The following LRRTM4 variants were observed in gnomAD, a reference collection of about 807,000 sequenced individuals.
LRRTM4 encodes leucine rich repeat transmembrane neuronal 4, also known as leucine-rich repeat transmembrane neuronal protein 4.
In LRRTM4, 25 loss-of-function variants were observed where a neutral mutation model predicts 47.6. The observed-to-expected ratio is 0.53, with a 90% CI of 0.38 to 0.73. LRRTM4 has a LOEUF of 0.73. Ranked by LOEUF, LRRTM4 falls within the 30% of genes least tolerant of loss-of-function variation. The probability of loss-of-function intolerance (pLI) is 0.00; values close to 1 mark genes in which losing one functional copy is unlikely to be tolerated. For missense variants in LRRTM4, 638 were observed against 713.4 expected, an observed-to-expected ratio of 0.89 and a Z score of 1.20; for synonymous variants, 311 against 269.5, an observed-to-expected ratio of 1.15 and a Z score of -1.51.
At chr2:76,942,674 A>ATGTGTGTGTGTGTGTGTG (rs750604219) in intron 3 of LRRTM4, among the ~76,000 whole-genome samples, 1,819 of 123,304 alleles carry the variant, frequency 0.015, 50 homozygotes, top group African/African-American at 0.045. Flanking sequence ...ACCTCTAGGA[A>ATGTGTGTGTGTGTGTGTG]TCTGTGTGTG....
At chr2:77,400,197 A>G (rs1673889791) in intron 3 of LRRTM4, among the ~76,000 whole-genome samples, 1 of 151,766 alleles carries the variant, frequency 6.6e-6, no homozygotes, top group African/African-American at 2.4e-5. Context: ...TTGACTTGGT[A>G]ACATGATACC....
intron 3 of LRRTM4, among the ~76,000 whole-genome samples, chr2:77,161,424 G>C (rs1334353907): frequency 1.3e-5 from 2 of 152,106 alleles, no homozygotes; most frequent in Non-Finnish European, 2.9e-5. Flanking sequence ...AGGTGGCTTT[G>C]AGCAGTATCT....
chr2:76,906,389 G>C (rs1192857743), intron 3 of LRRTM4, among the ~76,000 whole-genome samples: 2 of 152,052 alleles, frequency 1.3e-5, no homozygotes, highest in Admixed American at 6.6e-5. Context: ...ATGCTGCAAA[G>C]TCATGCCAAA....
At chr2:77,188,352 T>G (rs545164528) in intron 3 of LRRTM4, among the ~76,000 whole-genome samples, 1 of 152,196 alleles carries the variant, frequency 6.6e-6, no homozygotes, top group African/African-American at 2.4e-5. Context: ...CTGGCTACTT[T>G]CCTTTTTCTC....
chr2:76,957,515 T>C (rs1445400482), intron 3 of LRRTM4, among the ~76,000 whole-genome samples: 1 of 151,788 alleles, frequency 6.6e-6, no homozygotes, highest in Non-Finnish European at 1.5e-5. Context: ...AAAAATATTT[T>C]AGATTTACTG....
At chr2:76,861,567 C>A (rs1007905307) in intron 3 of LRRTM4, among the ~76,000 whole-genome samples, 36 of 152,124 alleles carry the variant, frequency 2.4e-4, no homozygotes, top group Non-Finnish European at 1.9e-4. Flanking sequence ...TCTGTCCTTT[C>A]CTGAAAATTT....
intron 3 of LRRTM4, among the ~76,000 whole-genome samples, chr2:77,372,066 T>C (rs1672674258): frequency 6.6e-6 from 1 of 151,742 alleles, no homozygotes; most frequent in South Asian, 2.1e-4. Context: ...GTGCACACAG[T>C]AGATTTGTGT....
intron 3 of LRRTM4, among the ~76,000 whole-genome samples, chr2:76,942,491 A>ATT (rs59455803): frequency 0.024 from 3,416 of 142,626 alleles, 110 homozygotes; most frequent in African/African-American, 0.067. Flanking sequence ...CTGTGCTAAC[A>ATT]TTTTTTTTTT....
chr2:77,470,854 AT>A (rs1286846234), intron 3 of LRRTM4, among the ~76,000 whole-genome samples: 1 of 152,112 alleles, frequency 6.6e-6, no homozygotes. Context: ...ACCATAGGAA[AT>A]TTTGTGGGAC....
chr2:77,360,412 A>G (rs1369661574), intron 3 of LRRTM4, among the ~76,000 whole-genome samples: 2 of 152,046 alleles, frequency 1.3e-5, no homozygotes, highest in Admixed American at 6.6e-5. Flanking sequence ...AGCCAAGATC[A>G]CGGCCACTGC....
chr2:77,370,697 T>C (rs1246979311), intron 3 of LRRTM4, among the ~76,000 whole-genome samples: 1 of 151,684 alleles, frequency 6.6e-6, no homozygotes, highest in Non-Finnish European at 1.5e-5. Flanking sequence ...ACCCTGAAAA[T>C]GGAGCAGAGA....
At chr2:77,051,721 C>A (rs1402105626) in intron 3 of LRRTM4, among the ~76,000 whole-genome samples, 1 of 152,132 alleles carries the variant, frequency 6.6e-6, no homozygotes, top group Non-Finnish European at 1.5e-5. Context: ...GTAGGGCTGT[C>A]ATCTGTTAGC....
At chr2:77,513,757 G>GT (rs1345674020) in intron 3 of LRRTM4, among the ~76,000 whole-genome samples, 12 of 151,858 alleles carry the variant, frequency 7.9e-5, no homozygotes. Flanking sequence ...GTAGAGACAG[G>GT]TTTTCACCAT....
intron 3 of LRRTM4, among the ~76,000 whole-genome samples, chr2:76,807,949 CT>C (rs10643892): frequency 7.2e-6 from 1 of 139,836 alleles, no homozygotes; most frequent in African/African-American, 2.8e-5. Flanking sequence ...TTCTTTCTTT[CT>C]TTCTTTTTCT....
chr2:77,345,726 T>C (rs1277289105), intron 3 of LRRTM4, among the ~76,000 whole-genome samples: 1 of 151,906 alleles, frequency 6.6e-6, no homozygotes, highest in Non-Finnish European at 1.5e-5. Flanking sequence ...AGAGTTACTC[T>C]GAAAACCATT....
At chr2:77,325,690 T>C (rs1399237390) in intron 3 of LRRTM4, among the ~76,000 whole-genome samples, 1 of 152,196 alleles carries the variant, frequency 6.6e-6, no homozygotes, top group Non-Finnish European at 1.5e-5. Flanking sequence ...AGGCTATTTC[T>C]GAAATAATAT....
intron 3 of LRRTM4, among the ~76,000 whole-genome samples, chr2:77,060,099 A>G (rs1390899618): frequency 8.5e-5 from 13 of 152,158 alleles, no homozygotes; most frequent in Admixed American, 8.5e-4. Flanking sequence ...ACATTTGCAA[A>G]CTATTTCATG....
chr2:77,243,773 C>CT (rs68042043), intron 3 of LRRTM4, among the ~76,000 whole-genome samples: 2,577 of 145,688 alleles, frequency 0.018, 80 homozygotes, highest in African/African-American at 0.057. Context: ...TTTCTTTTTC[C>CT]TTTTTTTTTA....
At chr2:76,761,449 A>G (rs1483567199) in intron 3 of LRRTM4, among the ~76,000 whole-genome samples, 2 of 152,166 alleles carry the variant, frequency 1.3e-5, no homozygotes, top group African/African-American at 4.8e-5. Context: ...GGTGCAATTC[A>G]GTTGGGTAAG....
Sources: gnomAD v4.1 joint callset for allele counts (sites outside exome capture counted in the v4.1 genomes callset) on GRCh38, gnomAD v4.1.1 for gene constraint, MANE v1.5 for transcripts, NCBI Gene and HGNC (gene_info 2026-07-23, HGNC 2026-07-21) for gene names.